The following DGKG variants were observed in gnomAD, a reference collection of about 807,000 sequenced individuals.
DGKG encodes DAG kinase gamma.
A neutral mutation model predicts 105.3 loss-of-function variants in DGKG; 78 were observed. The ratio of observed to expected loss-of-function variants is 0.74; its 90% CI spans 0.62 to 0.89. The LOEUF (loss-of-function observed/expected upper bound fraction) is 0.89. Ranked by LOEUF, DGKG falls within the 40% of genes least tolerant of loss-of-function variation. The pLI, the probability that DGKG is intolerant of heterozygous loss-of-function variation, is 0.00. For missense variants in DGKG, 958 were observed against 1,020.1 expected (o/e 0.94, Z 0.83); for synonymous variants, 346 against 367.1 (o/e 0.94, Z 0.66).
At position 186,245,967 on chromosome 3, in the gene DGKG, T is replaced by A. The variant is rs949200231; in HGVS notation, c.1762-3399A>T. On this transcript the variant is annotated intron_variant, in intron 19 of 24. Coordinates refer to ENST00000265022, the MANE Select transcript of DGKG (RefSeq NM_001346.3). ...CAGATGAAGTTAATATTTAAAACAA[T>A]TTTTAAATTTTTTTATTTTTTTGAG... is the stretch of plus-strand genomic sequence containing the variant. 4.8e-4 allele frequency among the ~76,000 whole-genome samples: 73 copies of A among 151,982 alleles called. No individual in the cohort carries two copies. The East Asian group carries it at 9.7e-3, about 20-fold the overall frequency.
At chr3:186,301,517 C>T (rs1365275668) in intron 3 of DGKG, among the ~76,000 whole-genome samples, 2 of 152,162 alleles carry the variant, frequency 1.3e-5, no homozygotes, top group Non-Finnish European at 2.9e-5. Flanking sequence ...GTCCCAGCTA[C>T]TCGGGAGGCT....
chr3:186,313,932 T>C (rs1275253725), intron 2 of DGKG, among the ~76,000 whole-genome samples: 1 of 152,036 alleles, frequency 6.6e-6, no homozygotes, highest in East Asian at 1.9e-4. Context: ...CCAGCATAAA[T>C]AGCAAGGTTT....
chr3:186,294,769 T>C (rs868238908), intron 5 of DGKG, among the ~76,000 whole-genome samples: 19 of 150,630 alleles, frequency 1.3e-4, no homozygotes, highest in Middle Eastern at 6.8e-3. Flanking sequence ...ATAGAAGATA[T>C]AAGAGTTATC....
At chr3:186,285,617 G>A (rs1304097884) in intron 6 of DGKG, among the ~76,000 whole-genome samples, 1 of 151,788 alleles carries the variant, frequency 6.6e-6, no homozygotes, top group Non-Finnish European at 1.5e-5. Context: ...GGTCTCATAA[G>A]TCAGCATGGC....
chr3:186,246,888 T>C (rs1720969347), intron 19 of DGKG, among the ~76,000 whole-genome samples: 2 of 152,140 alleles, frequency 1.3e-5, no homozygotes, highest in Non-Finnish European at 2.9e-5. Context: ...CAGAAATAGA[T>C]TTCACTGAAT....
intron 20 of DGKG, among the ~76,000 whole-genome samples, chr3:186,213,145 A>G (rs1449343799): frequency 6.6e-6 from 1 of 152,230 alleles, no homozygotes; most frequent in Non-Finnish European, 1.5e-5. Context: ...CTTAGTATGC[A>G]TGAAAAGAAC....
At chr3:186,221,630 C>G (rs991713602) in intron 20 of DGKG, among the ~76,000 whole-genome samples, 2 of 152,218 alleles carry the variant, frequency 1.3e-5, no homozygotes, top group African/African-American at 4.8e-5. Flanking sequence ...ACACATCCAT[C>G]AGCCCTGGGA....
chr3:186,164,022 C>T (rs542485130), intron 23 of DGKG, among the ~76,000 whole-genome samples: 3 of 152,250 alleles, frequency 2.0e-5, no homozygotes, highest in South Asian at 2.1e-4. Context: ...TCAGGGAATC[C>T]GCTCTGGGGA....
chr3:186,289,196 G>T (rs1723205506), intron 5 of DGKG, among the ~76,000 whole-genome samples: 1 of 152,106 alleles, frequency 6.6e-6, no homozygotes, highest in East Asian at 1.9e-4. Context: ...ATGTCATTTG[G>T]CCTACTTTTT....
Position 186,147,488 on chromosome 3 carries a change from T to C in DGKG, c.*2602A>G. The C allele has an allele frequency of 1.1e-5, 11 of 985,394 alleles. No homozygotes were observed. Among genetic ancestry groups the C allele is most frequent in the Non-Finnish European group, 1.3e-5 (11 of 829,900 alleles). 61.0% of individuals were successfully genotyped at this position (985,394 alleles called of 1,614,324 possible). A position where few individuals can be genotyped will look rare whatever the true frequency, so the allele number is the denominator to read the frequency against. ...CAGTCATAGTGTTTAAAGGATGATTTGCAAGGCACGATTAAACAACAACAC... is the reference window on the plus strand; with the variant it reads ...CAGTCATAGTGTTTAAAGGATGATTCGCAAGGCACGATTAAACAACAACAC... On this transcript the variant is annotated 3_prime_UTR_variant, in exon 25 of 25. Transcript: ENST00000265022.
intron 24 of DGKG, among the ~76,000 whole-genome samples, chr3:186,153,710 G>A (rs748682782): frequency 3.7e-4 from 56 of 152,218 alleles, no homozygotes; most frequent in Admixed American, 6.5e-5. Flanking sequence ...GAGATTGAGG[G>A]ACTTCTTCCT....
rs1165723037 is a variant in DGKG at position 186,310,265 on chromosome 3, C to CAAAAA, written c.68-3293_68-3289dup. The stretch of plus-strand genomic sequence containing the variant: ...CTGGCAACAAAGCAAGACTCCGTCT[C>CAAAAA]AAAAAAAAAAAAAAAAAAAAAAAAC... On this transcript the variant is annotated intron_variant, in intron 2 of 24. Coordinates refer to ENST00000265022, the MANE Select transcript of DGKG (RefSeq NM_001346.3). Among the ~76,000 whole-genome samples, 62 of 33,296 alleles carry CAAAAA rather than the reference C, an allele frequency of 1.9e-3. 5 individuals are homozygous for CAAAAA. The highest frequency in any genetic ancestry group is 4.9e-3 in the African/African-American group (54 of 11,098). The allele number at this position is 33,296 out of a possible 152,430, so 21.8% of individuals were successfully genotyped here. A position where few individuals can be genotyped will look rare whatever the true frequency, so the allele number is the denominator to read the frequency against.
intron 1 of DGKG, among the ~76,000 whole-genome samples, chr3:186,343,111 G>A (rs1218786622): frequency 6.6e-6 from 1 of 152,096 alleles, no homozygotes; most frequent in East Asian, 1.9e-4. Flanking sequence ...CTGGGAACTG[G>A]GCCAGTTCAT....
At chr3:186,267,540 A>C in intron 13 of DGKG, 145 bp downstream of exon 13, 1 of 658,554 alleles carries the variant, frequency 1.5e-6, no homozygotes, top group Middle Eastern at 4.3e-4. Flanking sequence ...AACCTAAAAT[A>C]ACAGTAAAAA....
chr3:186,274,315 G>A (rs1310976917), intron 10 of DGKG, among the ~76,000 whole-genome samples: 2 of 152,152 alleles, frequency 1.3e-5, no homozygotes, highest in Non-Finnish European at 2.9e-5. Context: ...AGCCTCCTGA[G>A]TAGCTGGGAT....
Position 186,149,020 on chromosome 3 carries a change from A to G in DGKG, c.*1070T>C. ...TATATATATACACGCACACACACAC[A>G]CACACGCGCGCACACACGTTAAGAC... On this transcript the variant is annotated 3_prime_UTR_variant, in exon 25 of 25. Coordinates refer to ENST00000265022, the MANE Select transcript of DGKG (RefSeq NM_001346.3). 1 of 978,956 alleles carries G rather than the reference A, an allele frequency of 1.0e-6. No individual in the cohort carries two copies. The highest frequency in any genetic ancestry group is 4.7e-5 in the South Asian group (1 of 21,134). The allele number at this position is 978,956 out of a possible 1,614,324, so 60.6% of individuals were successfully genotyped here.
Position 186,150,177 on chromosome 3 carries a change from A to G in DGKG, c.2289T>C (p.Thr763=). The G allele has an allele frequency of 1.2e-6, 2 of 1,611,966 alleles. No homozygotes were observed. Among genetic ancestry groups the G allele is most frequent in the Non-Finnish European group, 1.7e-6 (2 of 1,178,964 alleles). The change falls in exon 25 of 25, where the codon ACT becomes ACC. Residue 763 remains threonine, a synonymous_variant. Transcript: ENST00000265022. The stretch of plus-strand genomic sequence containing the variant: ...TCATCATGGGCGCTTGGTTCTTGTG[A>G]GTAATTTTAATCTAAAAGCAAAGAG... The part of the protein sequence containing the change: ...WMQPCCTIKI[T]HKNQAPMMMG...
At chr3:186,356,352 A>T (rs1169604465) in intron 1 of DGKG, among the ~76,000 whole-genome samples, 1 of 152,210 alleles carries the variant, frequency 6.6e-6, no homozygotes, top group East Asian at 1.9e-4. Context: ...CAAGTTGGCG[A>T]GGCAGACTGA....
intron 1 of DGKG, among the ~76,000 whole-genome samples, chr3:186,359,862 A>G (rs1428428231): frequency 6.6e-6 from 1 of 152,214 alleles, no homozygotes; most frequent in East Asian, 1.9e-4. Flanking sequence ...TAGGCAATGA[A>G]CATGAATTAC....
Sources: allele counts gnomAD v4.1 joint callset (sites outside exome capture counted in the v4.1 genomes callset), GRCh38; gene constraint gnomAD v4.1.1; transcripts MANE v1.5; gene names NCBI Gene and HGNC (gene_info 2026-07-23, HGNC 2026-07-21).